The following SEPTIN14 variants were observed in gnomAD, a reference collection of about 807,000 sequenced individuals.
SEPTIN14 encodes the protein septin-14.
Under a neutral mutation model 53.6 loss-of-function variants are expected in SEPTIN14, and 40 were observed. The ratio of observed to expected loss-of-function variants is 0.75; its 90% CI spans 0.58 to 0.97. SEPTIN14 has a LOEUF of 0.97. SEPTIN14 is among the 50% of genes least tolerant of loss of function. The pLI, the probability that SEPTIN14 is intolerant of heterozygous loss-of-function variation, is 0.00. For missense variants in SEPTIN14, 471 were observed against 508.2 expected (o/e 0.93, Z 0.70); for synonymous variants, 138 against 166.8 (o/e 0.83, Z 1.33).
chr7:55,846,796 A>G (rs1363036286), intron 2 of SEPTIN14, among the ~76,000 whole-genome samples, 159 bp from the exon 3 acceptor site: 1 of 152,208 alleles, frequency 6.6e-6, no homozygotes, highest in Non-Finnish European at 1.5e-5. Flanking sequence ...TTGTGAAAAT[A>G]GAAGTCTGTG....
In SEPTIN14 at chr7:55,861,731, C is replaced by T. The variant is rs180758467; in HGVS notation, c.54+212G>A. 5.1e-3 allele frequency among the ~76,000 whole-genome samples: 774 copies of T among 152,254 alleles called. 5 individuals carry two copies. The highest frequency in any genetic ancestry group is 8.1e-3 in the Non-Finnish European group (549 of 68,018). ...TAGAAATAGTCTGTTGCACTGCTAA[C>T]AAGGTCATCGGACTCAAAAAACATG... On this transcript the variant is annotated intron_variant, in intron 2 of 9. Transcript: ENST00000388975.
At position 55,812,954 on chromosome 7, in the gene SEPTIN14, CT is replaced by C. The variant is rs554878767; in HGVS notation, c.818-5697del. 5.7e-3 allele frequency among the ~76,000 whole-genome samples: 792 copies of C among 140,072 alleles called. 1 individual carries two copies. Among genetic ancestry groups the C allele is most frequent in the Admixed American group, 5.6e-3 (77 of 13,788 alleles). The allele number at this position is 140,072 out of a possible 152,430, so 91.9% of individuals were successfully genotyped here. A position where few individuals can be genotyped will look rare whatever the true frequency, so the allele number is the denominator to read the frequency against. On this transcript the variant is annotated intron_variant, in intron 7 of 9. Coordinates refer to ENST00000388975, the MANE Select transcript of SEPTIN14 (RefSeq NM_207366.3). Reference sequence around the variant, plus strand: ...TTCTGCTAGTGCCCACGACAGGAGCCTTTTTTTTTTTTTTAGATGGAGTCTC... The same window carrying C: ...TTCTGCTAGTGCCCACGACAGGAGCCTTTTTTTTTTTTTAGATGGAGTCTC...
At chr7:55,840,045 T>C (rs368967926) in intron 5 of SEPTIN14, among the ~76,000 whole-genome samples, 25 of 149,888 alleles carry the variant, frequency 1.7e-4, no homozygotes, top group Non-Finnish European at 3.3e-4. Context: ...CCCAGGAGGC[T>C]GAGGCAGGAG....
chr7:55,842,096 C>G (rs535117385), intron 5 of SEPTIN14, among the ~76,000 whole-genome samples: 7 of 152,056 alleles, frequency 4.6e-5, no homozygotes, highest in African/African-American at 1.7e-4. Flanking sequence ...CTACAGTATT[C>G]CGTACAGTAC....
intron 9 of SEPTIN14, among the ~76,000 whole-genome samples, chr7:55,803,708 GA>G (rs1177027234): frequency 6.6e-6 from 1 of 152,094 alleles, no homozygotes; most frequent in Non-Finnish European, 1.5e-5. Flanking sequence ...CTAATCTCCA[GA>G]GAGAAAGAAA....
intron 6 of SEPTIN14, among the ~76,000 whole-genome samples, chr7:55,833,534 C>T (rs368864117): frequency 1.3e-5 from 2 of 151,894 alleles, no homozygotes; most frequent in Non-Finnish European, 2.9e-5. Context: ...ATGGTGAAAC[C>T]CTGTCTGTAC....
chr7:55,830,452 T>C (rs1789089920), intron 6 of SEPTIN14, among the ~76,000 whole-genome samples: 2 of 147,880 alleles, frequency 1.4e-5, no homozygotes, highest in African/African-American at 4.9e-5. Context: ...GTTCACGCCA[T>C]TCTGCCTCAG....
At chr7:55,858,214 T>C (rs1045009305) in intron 2 of SEPTIN14, among the ~76,000 whole-genome samples, 1 of 152,128 alleles carries the variant, frequency 6.6e-6, no homozygotes, top group African/African-American at 2.4e-5. Context: ...AAATTCACAA[T>C]GGATTCAGAA....
intron 6 of SEPTIN14, among the ~76,000 whole-genome samples, chr7:55,827,137 G>C (rs1213754405): frequency 6.6e-6 from 1 of 152,204 alleles, no homozygotes; most frequent in South Asian, 2.1e-4. Flanking sequence ...AAAATGGCTA[G>C]CCCAGTACAC....
Position 55,805,294 on chromosome 7 carries a change from C to G in SEPTIN14, c.1083G>C (p.Lys361Asn). ...ELKQRFMQRVKEKEATFKEAE... is the reference protein window; with the variant it reads ...ELKQRFMQRVNEKEATFKEAE... ...CTTCTTTAAATGTTGCTTCTTTCTCCTTGACTCGCTGCATAAATCTCTGTT... is the reference window on the plus strand; with the variant it reads ...CTTCTTTAAATGTTGCTTCTTTCTCGTTGACTCGCTGCATAAATCTCTGTT... The change falls in exon 9 of 10, where the codon AAG (lysine) becomes AAC (asparagine). Residue 361 changes from lysine to asparagine, a missense_variant. Coordinates refer to ENST00000388975, the MANE Select transcript of SEPTIN14 (RefSeq NM_207366.3). 1.2e-6 allele frequency: 2 copies of G among 1,612,216 alleles called. No homozygotes were observed. The highest frequency in any genetic ancestry group is 2.2e-5 in the South Asian group (2 of 90,974).
In SEPTIN14 at chr7:55,807,263, T is replaced by A. The variant is rs372902809; in HGVS notation, c.818-5A>T. 1 of 1,556,430 alleles carries A rather than the reference T, an allele frequency of 6.4e-7. No individual in the cohort carries two copies. The highest frequency in any genetic ancestry group is 8.7e-7 in the Non-Finnish European group (1 of 1,152,064). On this transcript the variant is annotated splice_region_variant and splice_polypyrimidine_tract_variant and intron_variant, in intron 7 of 9. Transcript: ENST00000388975. ...CACAGTGATTTTCATTTTCCACTAG[T>A]AAAAAAATAATAATGAATCAACAAC...
intron 7 of SEPTIN14, among the ~76,000 whole-genome samples, chr7:55,817,533 GAT>G (rs1788816026): frequency 6.6e-6 from 1 of 150,790 alleles, no homozygotes. Context: ...GCAGTGGCGT[GAT>G]CTCAGCTCAC....
At chr7:55,806,036 G>A (rs566617170) in intron 8 of SEPTIN14, among the ~76,000 whole-genome samples, 2 of 151,462 alleles carry the variant, frequency 1.3e-5, no homozygotes, top group South Asian at 2.1e-4. Context: ...TCTCTTTGTC[G>A]CCCAGACTGG....
intron 7 of SEPTIN14, among the ~76,000 whole-genome samples, chr7:55,814,592 A>G (rs765167337): frequency 1.3e-5 from 2 of 152,238 alleles, no homozygotes; most frequent in Non-Finnish European, 2.9e-5. Context: ...AAACATAACC[A>G]AAGAAATGAA....
At chr7:55,853,204 T>C (rs952864231) in intron 2 of SEPTIN14, among the ~76,000 whole-genome samples, 1 of 151,244 alleles carries the variant, frequency 6.6e-6, no homozygotes, top group African/African-American at 2.4e-5. Context: ...AAGAAATTAG[T>C]ACATTGAAGA....
At chr7:55,804,876 G>T (rs1788588438) in intron 9 of SEPTIN14, among the ~76,000 whole-genome samples, 1 of 152,098 alleles carries the variant, frequency 6.6e-6, no homozygotes, top group Non-Finnish European at 1.5e-5. Context: ...GCCAGCATTA[G>T]TCAACATTTG....
intron 6 of SEPTIN14, among the ~76,000 whole-genome samples, chr7:55,822,856 C>CAAAAA (rs148179709): frequency 3.8e-5 from 4 of 104,424 alleles, no homozygotes; most frequent in Non-Finnish European, 4.1e-5. Flanking sequence ...CAGGGGAAAG[C>CAAAAA]AAAAAAAAAA....
At chr7:55,827,359 T>G (rs931816925) in intron 6 of SEPTIN14, among the ~76,000 whole-genome samples, 2 of 152,180 alleles carry the variant, frequency 1.3e-5, no homozygotes, top group African/African-American at 2.4e-5. Context: ...AGGTTGCTCC[T>G]GTGAAGAGCC....
rs1203361689 is a variant in SEPTIN14, at chr7:55,794,823, G to C, written c.*1090C>G. ...ACAACACCACACCCGGCTAACTTTT[G>C]TATTATTAGTAGAGATGGGGTTTCG... On this transcript the variant is annotated 3_prime_UTR_variant, in exon 10 of 10. Transcript: ENST00000388975. The C allele has an allele frequency of 2.0e-5, 3 of 152,036 alleles. No homozygotes were observed. Among genetic ancestry groups the C allele is most frequent in the Admixed American group, 2.0e-4 (3 of 15,248 alleles). 9.4% of individuals were successfully genotyped at this position (152,036 alleles called of 1,614,324 possible). A position where few individuals can be genotyped will look rare whatever the true frequency, so the allele number is the denominator to read the frequency against.
Sources: gnomAD v4.1 joint callset for allele counts (sites outside exome capture counted in the v4.1 genomes callset) on GRCh38, gnomAD v4.1.1 for gene constraint, MANE v1.5 for transcripts, NCBI Gene and HGNC (gene_info 2026-07-23, HGNC 2026-07-21) for gene names.